Variants in CCDC102B observed in about 807,000 individuals in gnomAD.
CCDC102B encodes coiled-coil domain-containing protein 102B.
Under a neutral mutation model 57.4 loss-of-function variants are expected in CCDC102B, and 75 were observed. The observed-to-expected ratio is 1.31, with a 90% CI of 1.08 to 1.58. CCDC102B has a LOEUF of 1.58. Among genes scored for constraint, CCDC102B ranks in the 40% most tolerant of loss-of-function variants. CCDC102B has a pLI of 0.00. For missense variants in CCDC102B, 636 were observed against 582.6 expected (o/e 1.09, Z -0.94); for synonymous variants, 206 against 201.9 (o/e 1.02, Z -0.17).
intron 6 of CCDC102B, among the ~76,000 whole-genome samples, chr18:68,980,839 G>A (rs148290522): frequency 9.1e-4 from 138 of 152,194 alleles, no homozygotes; most frequent in African/African-American, 3.1e-3. Flanking sequence ...TTGGGAACGT[G>A]TAGGACATCG....
In CCDC102B at chr18:69,054,809, T is replaced by C; in HGVS notation, c.*672T>C. The C allele has an allele frequency of 1.0e-6, 1 of 985,324 alleles. No homozygotes were observed. Among genetic ancestry groups the C allele is most frequent in the African/African-American group, 1.7e-5 (1 of 57,358 alleles). The allele number at this position is 985,324 out of a possible 1,614,324, so 61.0% of individuals were successfully genotyped here. A position where few individuals can be genotyped will look rare whatever the true frequency, so the allele number is the denominator to read the frequency against. ...TGACTTTTATCTGGATAGACATTTCTACAGTAAAATCATGGAAAGGCATCA... is the reference window on the plus strand; with the variant it reads ...TGACTTTTATCTGGATAGACATTTCCACAGTAAAATCATGGAAAGGCATCA... On this transcript the variant is annotated 3_prime_UTR_variant, in exon 8 of 8. Transcript: ENST00000360242.
At chr18:69,024,236 G>T (rs554237700) in intron 7 of CCDC102B, among the ~76,000 whole-genome samples, 1 of 151,946 alleles carries the variant, frequency 6.6e-6, no homozygotes, top group African/African-American at 2.4e-5. Context: ...CTTTTTGAAG[G>T]TTTGTCAGGC....
At chr18:68,973,103 A>T (rs1365818332) in intron 6 of CCDC102B, among the ~76,000 whole-genome samples, 2 of 152,160 alleles carry the variant, frequency 1.3e-5, no homozygotes, top group Non-Finnish European at 2.9e-5. Context: ...ATATCGCTAC[A>T]GTATGCATGG....
chr18:68,956,376 G>GTATAATA (rs1391467414), intron 6 of CCDC102B, among the ~76,000 whole-genome samples: 19 of 5,816 alleles, frequency 3.3e-3, no homozygotes, highest in Non-Finnish European at 4.6e-3. Flanking sequence ...TATATAAAAT[G>GTATAATA]TATAATATAT....
intron 6 of CCDC102B, among the ~76,000 whole-genome samples, chr18:68,900,688 T>C (rs557545183): frequency 1.3e-5 from 2 of 152,234 alleles, no homozygotes; most frequent in South Asian, 2.1e-4. Context: ...AGTAAAATAG[T>C]GTATCTATAT....
At position 68,996,680 on chromosome 18, in the gene CCDC102B, T is replaced by A. The variant is rs185099286; in HGVS notation, c.1264-14254T>A. 7.9e-5 allele frequency among the ~76,000 whole-genome samples: 12 copies of A among 152,320 alleles called. No individual in the cohort carries two copies. The East Asian group carries it at 1.2e-3, about 15-fold the overall frequency. ...ACCCAATACCTTTACCCCCATTGTATCTAGGAAGTTACTAAATTGCTTTTG... is the reference window on the plus strand; with the variant it reads ...ACCCAATACCTTTACCCCCATTGTAACTAGGAAGTTACTAAATTGCTTTTG... On this transcript the variant is annotated intron_variant, in intron 6 of 7. Transcript: ENST00000360242.
intron 6 of CCDC102B, among the ~76,000 whole-genome samples, chr18:68,951,379 C>A (rs1228060595): frequency 6.6e-6 from 1 of 152,130 alleles, no homozygotes; most frequent in Non-Finnish European, 1.5e-5. Context: ...ATACATCACT[C>A]AAAAGACACA....
At chr18:68,803,896 A>C (rs1017036301) in intron 1 of CCDC102B, among the ~76,000 whole-genome samples, 1 of 152,188 alleles carries the variant, frequency 6.6e-6, no homozygotes, top group Admixed American at 6.5e-5. Context: ...AACTACAACC[A>C]CTTTATTCTG....
At chr18:68,907,296 T>G (rs563428487) in intron 6 of CCDC102B, among the ~76,000 whole-genome samples, 88 of 152,260 alleles carry the variant, frequency 5.8e-4, no homozygotes, top group Middle Eastern at 3.4e-3. Context: ...CTCCTGAAAT[T>G]CCATATGAAT....
chr18:68,753,981 C>G (rs2033955785), intron 2 of CCDC102B: 1 of 152,050 alleles, frequency 6.6e-6, no homozygotes. Context: ...TTTAAACACT[C>G]CATATGGGTT....
At chr18:68,753,659 C>T (rs77354061) in intron 2 of CCDC102B, 1,568 of 152,138 alleles carry the variant, frequency 0.01, 26 homozygotes, top group African/African-American at 0.035. Context: ...TCATGCGATC[C>T]TCCCACTTCT....
intron 6 of CCDC102B, among the ~76,000 whole-genome samples, chr18:68,945,615 T>C (rs1198576023): frequency 6.6e-6 from 1 of 152,132 alleles, no homozygotes; most frequent in East Asian, 1.9e-4. Flanking sequence ...ATAATGTTGG[T>C]TACTGAAGCA....
chr18:68,800,282 G>T (rs1351163512), intron 1 of CCDC102B, among the ~76,000 whole-genome samples: 1 of 152,072 alleles, frequency 6.6e-6, no homozygotes, highest in Non-Finnish European at 1.5e-5. Context: ...ATGTGAATCT[G>T]GCAGAAGTCG....
intron 2 of CCDC102B, among the ~76,000 whole-genome samples, chr18:68,775,197 TA>T (rs1384330933): frequency 6.6e-6 from 1 of 151,932 alleles, no homozygotes; most frequent in African/African-American, 2.4e-5. Context: ...CATAGACTTT[TA>T]AAATAATTTT....
At chr18:68,723,014 TA>T (rs1213906894) in intron 2 of CCDC102B, among the ~76,000 whole-genome samples, 4 of 151,232 alleles carry the variant, frequency 2.6e-5, no homozygotes, top group South Asian at 2.1e-4. Flanking sequence ...GGGTAATTTA[TA>T]AAAAAAGGAA....
intron 2 of CCDC102B, among the ~76,000 whole-genome samples, chr18:68,752,659 GTTATGA>G (rs1356493483): frequency 6.6e-6 from 1 of 152,052 alleles, no homozygotes; most frequent in Admixed American, 6.6e-5. Context: ...TTCACTTAAT[GTTATGA>G]TTATAAGATT....
chr18:68,789,056 C>G (rs1201333966), intron 2 of CCDC102B, among the ~76,000 whole-genome samples: 1 of 152,152 alleles, frequency 6.6e-6, no homozygotes, highest in East Asian at 1.9e-4. Flanking sequence ...ATTTGCTTAT[C>G]TGTAAAGTAT....
intron 5 of CCDC102B, among the ~76,000 whole-genome samples, chr18:68,889,283 G>A (rs964370147): frequency 1.3e-5 from 2 of 152,096 alleles, no homozygotes; most frequent in African/African-American, 4.8e-5. Flanking sequence ...GTGCTAGCTG[G>A]CTCCTTCCAA....
At chr18:68,901,252 A>G (rs994721031) in intron 6 of CCDC102B, among the ~76,000 whole-genome samples, 7 of 152,176 alleles carry the variant, frequency 4.6e-5, no homozygotes, top group African/African-American at 1.7e-4. Context: ...CTAGGGATGG[A>G]CAAACTTTTT....
Sources: gnomAD v4.1 joint callset for allele counts (sites outside exome capture counted in the v4.1 genomes callset) on GRCh38, gnomAD v4.1.1 for gene constraint, MANE v1.5 for transcripts, NCBI Gene and HGNC (gene_info 2026-07-23, HGNC 2026-07-21) for gene names.